The following TDRD15 variants were observed in gnomAD, a reference collection of about 807,000 sequenced individuals.
TDRD15 encodes tudor domain containing 15, also known as tudor domain-containing protein 15.
For synonymous variants in TDRD15, 503 were observed against 314.5 expected, an observed-to-expected ratio of 1.60 and a Z score of -6.34; for missense variants, 1,416 against 904.7, an observed-to-expected ratio of 1.57 and a Z score of -7.25.
At chr2:21,145,825 G>A (rs187546682), downstream of TDRD15, among the ~76,000 whole-genome samples, 1 of 151,768 alleles carries the variant, frequency 6.6e-6, no homozygotes, top group African/African-American at 2.4e-5. Flanking sequence ...AGTGATTTTA[G>A]TAGTTCCTCT....
At chr2:21,128,923 T>C (rs1226438090) in intron 2 of TDRD15, among the ~76,000 whole-genome samples, 1 of 152,048 alleles carries the variant, frequency 6.6e-6, no homozygotes, top group Non-Finnish European at 1.5e-5. Context: ...AAGTGTTTTC[T>C]TTAAAAAATG....
rs1665985147 is a variant in TDRD15, at chr2:21,143,756, T to A, written c.*484T>A. The stretch of plus-strand genomic sequence containing the variant: ...TTTGATTCTTTAAAAGTTTTTCATG[T>A]ACTAACATCCAAATTGAAAATATGT... On this transcript the variant is annotated 3_prime_UTR_variant, in exon 4 of 4. Coordinates refer to ENST00000405799, the MANE Select transcript of TDRD15 (RefSeq NM_001306137.2). Among the ~76,000 whole-genome samples, 1 of 151,762 alleles carries A rather than the reference T, an allele frequency of 6.6e-6. No individual in the cohort carries two copies.
Position 21,138,118 on chromosome 2 carries a change from A to G in TDRD15, c.651A>G (p.Leu217=). 1.4e-6 allele frequency: 1 copy of G among 716,516 alleles called. No individual in the cohort carries two copies. Among genetic ancestry groups the G allele is most frequent in the East Asian group, 2.7e-5 (1 of 37,262 alleles). 44.4% of individuals were successfully genotyped at this position (716,516 alleles called of 1,614,324 possible). A position where few individuals can be genotyped will look rare whatever the true frequency, so the allele number is the denominator to read the frequency against. The change falls in exon 4 of 4, where the codon TTA becomes TTG. Residue 217 remains leucine (L), a synonymous_variant. Coordinates refer to ENST00000405799, the MANE Select transcript of TDRD15 (RefSeq NM_001306137.2). ...LLQHKRPELS[L]GNKDTSLDIQ... ...AACATAAAAGGCCTGAATTGTCATTAGGTAATAAAGATACTTCACTTGATA... is the reference window on the plus strand; with the variant it reads ...AACATAAAAGGCCTGAATTGTCATTGGGTAATAAAGATACTTCACTTGATA...
At chr2:21,144,829 G>A (rs1666006949), downstream of TDRD15, among the ~76,000 whole-genome samples, 2 of 122,650 alleles carry the variant, frequency 1.6e-5, no homozygotes, top group East Asian at 2.0e-4. Flanking sequence ...CAATATTGAA[G>A]ACTGACTTAT....
chr2:21,143,610 T>A lies in TDRD15; in HGVS notation c.*338T>A, dbSNP rs1455513613. On this transcript the variant is annotated 3_prime_UTR_variant, in exon 4 of 4. Transcript: ENST00000405799. Reference sequence around the variant, plus strand: ...TACCAACTGAAGGAATACAGGAAAATAAGACAATGAACTTGAGAACAGCAG... The same window carrying A: ...TACCAACTGAAGGAATACAGGAAAAAAAGACAATGAACTTGAGAACAGCAG... 6.6e-6 allele frequency among the ~76,000 whole-genome samples: 1 copy of A among 151,346 alleles called. No homozygotes were observed. Among genetic ancestry groups the A allele is most frequent in the Admixed American group, 6.6e-5 (1 of 15,160 alleles).
At chr2:21,130,979 A>G (rs1381021920) in intron 2 of TDRD15, among the ~76,000 whole-genome samples, 1 of 152,232 alleles carries the variant, frequency 6.6e-6, no homozygotes, top group Non-Finnish European at 1.5e-5. Flanking sequence ...TGAACTGTGC[A>G]GATCGACTCT....
rs541413434 is a variant in TDRD15, at chr2:21,141,391, G to A, written c.3924G>A (p.Ala1308=). The change falls in exon 4 of 4, where the codon GCG becomes GCA. Residue 1308 remains alanine (A), a synonymous_variant. Coordinates refer to ENST00000405799, the MANE Select transcript of TDRD15 (RefSeq NM_001306137.2). Reference sequence around the variant, plus strand: ...ATGTATCTAATATCAGTAATCCAGCGAATTTCCATATTCAGCTTGCTGAGA... The same window carrying A: ...ATGTATCTAATATCAGTAATCCAGCAAATTTCCATATTCAGCTTGCTGAGA... ...KGYVSNISNP[A]NFHIQLAENE... The A allele has an allele frequency of 4.8e-4, 340 of 713,424 alleles. No individual in the cohort carries two copies. Among genetic ancestry groups the A allele is most frequent in the Middle Eastern group, 6.9e-4 (3 of 4,338 alleles). 44.2% of individuals were successfully genotyped at this position (713,424 alleles called of 1,614,324 possible).
In TDRD15 at chr2:21,138,901, G is replaced by A; in HGVS notation, c.1434G>A (p.Met478Ile). ...GTTTTCCCATTAAAACAGTACAAAT[G>A]GAGATAGAGGCTGCCTACATAGCTT... is the stretch of plus-strand genomic sequence containing the variant. ...KVGFPIKTVQ[M>I]EIEAAYIAFI... is the part of the protein sequence containing the mutation. The change falls in exon 4 of 4, where the codon ATG becomes ATA. Residue 478 changes from methionine to isoleucine, a missense_variant. Physicochemically the swap from Met to Ile is conservative, Grantham distance 10. Transcript: ENST00000405799. 1 of 715,672 alleles carries A rather than the reference G, an allele frequency of 1.4e-6. No individual in the cohort carries two copies. The highest frequency in any genetic ancestry group is 2.6e-6 in the Non-Finnish European group (1 of 384,064). 44.3% of individuals were successfully genotyped at this position (715,672 alleles called of 1,614,324 possible).
chr2:21,125,972 C>A (rs776677721), intron 1 of TDRD15, among the ~76,000 whole-genome samples: 2 of 151,580 alleles, frequency 1.3e-5, no homozygotes, highest in Non-Finnish European at 2.9e-5. Context: ...TTATTCTGTT[C>A]CTCCATTAAT....
rs1352600710 is a variant in TDRD15, at chr2:21,138,094, A to G, written c.627A>G (p.Gln209=). 8.4e-6 allele frequency: 6 copies of G among 716,328 alleles called. No individual in the cohort carries two copies. The highest frequency in any genetic ancestry group is 1.6e-5 in the Non-Finnish European group (6 of 384,406). 44.4% of individuals were successfully genotyped at this position (716,328 alleles called of 1,614,324 possible). A position where few individuals can be genotyped will look rare whatever the true frequency, so the allele number is the denominator to read the frequency against. ...CTCAACAAATGCCAGATTTATTACA[A>G]CATAAAAGGCCTGAATTGTCATTAG... ...EFPQQMPDLL[Q]HKRPELSLGN... is the part of the protein sequence containing the mutation. Residue 209 remains glutamine (Q), a synonymous_variant, in exon 4 of 4, where the codon CAA becomes CAG. Transcript: ENST00000405799.
rs1403406434 is a variant in TDRD15 at position 21,140,544 on chromosome 2, G to A, written c.3077G>A (p.Gly1026Asp). Residue 1026 changes from glycine (G) to aspartate (D), a missense_variant, in exon 4 of 4, where the codon GGT (glycine) becomes GAT (aspartate). Gly to Asp is a moderately conservative substitution (Grantham distance 94). Transcript: ENST00000405799. ...RVCISKYVED[G>D]LSYRALAIPT... ...TGCATATCTAAGTATGTAGAGGATGGTCTCTCATACAGAGCTTTAGCAATA... is the reference window on the plus strand; with the variant it reads ...TGCATATCTAAGTATGTAGAGGATGATCTCTCATACAGAGCTTTAGCAATA... 1 of 702,348 alleles carries A rather than the reference G, an allele frequency of 1.4e-6. No individual in the cohort carries two copies. The highest frequency in any genetic ancestry group is 2.7e-5 in the East Asian group (1 of 37,170). The allele number at this position is 702,348 out of a possible 1,614,324, so 43.5% of individuals were successfully genotyped here.
rs762916262 is a variant in TDRD15 at position 21,138,556 on chromosome 2, T to C, written c.1089T>C (p.Asp363=). The C allele has an allele frequency of 2.8e-6, 2 of 715,364 alleles. No homozygotes were observed. The highest frequency in any genetic ancestry group is 1.5e-5 in the South Asian group (1 of 67,326). The allele number at this position is 715,364 out of a possible 1,614,324, so 44.3% of individuals were successfully genotyped here. A position where few individuals can be genotyped will look rare whatever the true frequency, so the allele number is the denominator to read the frequency against. Residue 363 remains aspartate (D), a synonymous_variant, in exon 4 of 4, where the codon GAT becomes GAC. Coordinates refer to ENST00000405799, the MANE Select transcript of TDRD15 (RefSeq NM_001306137.2). ...PCSLTCLHSP[D]RDARIFQLSI... is the part of the protein sequence containing the mutation. ...CTCTGACATGTTTGCACAGTCCAGA[T>C]AGAGATGCAAGAATATTTCAACTGA...
intron 1 of TDRD15, among the ~76,000 whole-genome samples, chr2:21,126,283 A>C (rs556366766): frequency 6.6e-6 from 1 of 152,152 alleles, no homozygotes; most frequent in East Asian, 1.9e-4. Flanking sequence ...AAATGGACTC[A>C]TAAAATGTGT....
chr2:21,126,834 G>A (rs535365748), intron 1 of TDRD15, among the ~76,000 whole-genome samples: 28 of 152,310 alleles, frequency 1.8e-4, no homozygotes, highest in African/African-American at 6.7e-4. Context: ...ATACTCGGAA[G>A]TGGAATGACT....
chr2:21,142,170 C>CT lies in TDRD15; in HGVS notation c.4709dup (p.Leu1570PhefsTer7), dbSNP rs919660284. The CT allele has an allele frequency of 1.3e-5, 9 of 671,734 alleles. No homozygotes were observed. Among genetic ancestry groups the CT allele is most frequent in the African/African-American group, 1.3e-4 (7 of 54,400 alleles). 41.6% of individuals were successfully genotyped at this position (671,734 alleles called of 1,614,324 possible). On this transcript the variant is annotated frameshift_variant, in exon 4 of 4. Coordinates refer to ENST00000405799, the MANE Select transcript of TDRD15 (RefSeq NM_001306137.2). LOFTEE classifies it low-confidence loss of function (END_TRUNC). ...ATTACGAAAGAAGAAAAAAAATCCC[C>CT]TTTTTTATCAATGGAAAGTATTGAA...
rs1300435514 is a variant in TDRD15 at position 21,138,573 on chromosome 2, T to G, written c.1106T>G (p.Phe369Cys). Residue 369 changes from phenylalanine to cysteine, a missense_variant, in exon 4 of 4, where the codon TTT becomes TGT. Physicochemically the swap from Phe to Cys is radical, Grantham distance 205. Transcript: ENST00000405799. The stretch of plus-strand genomic sequence containing the variant: ...AGTCCAGATAGAGATGCAAGAATAT[T>G]TCAACTGAGTATATTTAAACAGGCC... Reference protein sequence around the residue: ...LHSPDRDARIFQLSIFKQALL... With the variant: ...LHSPDRDARICQLSIFKQALL... 2 of 714,518 alleles carry G rather than the reference T, an allele frequency of 2.8e-6. No individual in the cohort carries two copies. The highest frequency in any genetic ancestry group is 3.5e-5 in the African/African-American group (2 of 57,130). 44.3% of individuals were successfully genotyped at this position (714,518 alleles called of 1,614,324 possible).
At chr2:21,124,953 G>A (rs1158697817) in intron 1 of TDRD15, among the ~76,000 whole-genome samples, 1 of 150,482 alleles carries the variant, frequency 6.6e-6, no homozygotes, top group African/African-American at 2.4e-5. Flanking sequence ...CCTAATGCCA[G>A]GGTGTGTGAG....
In TDRD15 at chr2:21,138,444, A is replaced by T. The variant is rs1469508924; in HGVS notation, c.977A>T (p.Tyr326Phe). ...PNQVKIWFMD[Y>F]GSSEAIPSIY... ...CAAGTAAAAATTTGGTTTATGGATT[A>T]TGGCAGTAGCGAGGCTATACCCTCA... The change falls in exon 4 of 4, where the codon TAT (tyrosine) becomes TTT (phenylalanine). Residue 326 changes from tyrosine to phenylalanine, a missense_variant. Transcript: ENST00000405799. 4.2e-6 allele frequency: 3 copies of T among 715,368 alleles called. No individual in the cohort carries two copies. Among genetic ancestry groups the T allele is most frequent in the Non-Finnish European group, 5.2e-6 (2 of 384,012 alleles). 44.3% of individuals were successfully genotyped at this position (715,368 alleles called of 1,614,324 possible).
downstream of TDRD15, among the ~76,000 whole-genome samples, chr2:21,145,060 A>G (rs1222576928): frequency 6.6e-6 from 1 of 151,946 alleles, no homozygotes; most frequent in Non-Finnish European, 1.5e-5. Context: ...TCTGGAAGGC[A>G]TAAGTCAGAA....
Sources: allele counts gnomAD v4.1 joint callset (sites outside exome capture counted in the v4.1 genomes callset), GRCh38; gene constraint gnomAD v4.1.1; transcripts MANE v1.5; gene names NCBI Gene and HGNC (gene_info 2026-07-23, HGNC 2026-07-21).